Variants in SHOC2 observed in about 807,000 individuals in gnomAD.
SHOC2 encodes the protein leucine-rich repeat protein SHOC-2.
A neutral mutation model predicts 50.2 loss-of-function variants in SHOC2; 4 were observed. The ratio of observed to expected loss-of-function variants is 0.08; its 90% CI spans 0.04 to 0.18. The LOEUF is 0.18. Ranked by LOEUF, SHOC2 falls within the 10% of genes least tolerant of loss-of-function variation. SHOC2 has a pLI of 1.00. For synonymous variants in SHOC2, 218 were observed against 244.5 expected, an observed-to-expected ratio of 0.89 and a Z score of 1.01; for missense variants, 388 against 669.6, an observed-to-expected ratio of 0.58 and a Z score of 4.64.
In SHOC2 at chr10:110,937,259, C is replaced by CTT. The variant is rs80353363; in HGVS notation, c.-235+17614_-235+17615dup. On this transcript the variant is annotated intron_variant, in intron 1 of 8. Coordinates refer to ENST00000369452, the MANE Select transcript of SHOC2 (RefSeq NM_007373.4). ...CTTCGGCTGCCCCTTGGGAAAGCTG[C>CTT]TTTTTTTTTTTTTGGTCCAATCCTG... 1.2e-3 allele frequency: 852 copies of CTT among 738,310 alleles called. 1 individual carries two copies. The highest frequency in any genetic ancestry group is 0.011 in the South Asian group (706 of 64,124). 45.7% of individuals were successfully genotyped at this position (738,310 alleles called of 1,614,324 possible). A position where few individuals can be genotyped will look rare whatever the true frequency, so the allele number is the denominator to read the frequency against.
chr10:110,928,299 A>G (rs1186360143), intron 1 of SHOC2, among the ~76,000 whole-genome samples: 1 of 152,200 alleles, frequency 6.6e-6, no homozygotes, highest in Non-Finnish European at 1.5e-5. Context: ...CCTGGGCAAC[A>G]AACAAGCAAA....
At chr10:111,009,940 TC>T in intron 8 of SHOC2, 110 bp downstream of exon 8, 1 of 732,452 alleles carries the variant, frequency 1.4e-6, no homozygotes, top group South Asian at 1.6e-5. Context: ...TGAGGTTATA[TC>T]AGGCTTAAGA....
At chr10:110,978,197 T>C (rs1249180300) in intron 2 of SHOC2, among the ~76,000 whole-genome samples, 2 of 152,214 alleles carry the variant, frequency 1.3e-5, no homozygotes, top group Non-Finnish European at 2.9e-5. Context: ...GGGAATACAG[T>C]CATATATGGC....
chr10:110,980,216 G>A (rs1201475059), intron 2 of SHOC2, among the ~76,000 whole-genome samples: 2 of 150,730 alleles, frequency 1.3e-5, no homozygotes, highest in African/African-American at 4.9e-5. Context: ...GAGTGCAGTG[G>A]CGCAGTCTCT....
intron 1 of SHOC2, among the ~76,000 whole-genome samples, chr10:110,926,940 G>A (rs886482009): frequency 6.6e-6 from 1 of 152,132 alleles, no homozygotes; most frequent in Non-Finnish European, 1.5e-5. Flanking sequence ...CTTGTAATTT[G>A]TAGAGGTAGA....
intron 2 of SHOC2, 58 bp downstream of exon 2, chr10:110,965,119 T>A: frequency 6.9e-7 from 1 of 1,448,590 alleles, no homozygotes; most frequent in Non-Finnish European, 9.6e-7. Flanking sequence ...TAATTTTGAG[T>A]GCTTTCTCAT....
intron 1 of SHOC2, among the ~76,000 whole-genome samples, chr10:110,959,760 T>C (rs1336557108): frequency 6.6e-6 from 1 of 152,214 alleles, no homozygotes. Flanking sequence ...TTGCTGAAAA[T>C]GTCTGGCACT....
intron 1 of SHOC2, among the ~76,000 whole-genome samples, chr10:110,921,435 T>C (rs984695832): frequency 6.6e-6 from 1 of 152,210 alleles, no homozygotes; most frequent in African/African-American, 2.4e-5. Context: ...TGTCTGAAAT[T>C]TAATATAAAG....
chr10:110,997,077 C>T (rs1369284486), intron 3 of SHOC2, among the ~76,000 whole-genome samples: 2 of 152,084 alleles, frequency 1.3e-5, no homozygotes, highest in African/African-American at 4.8e-5. Context: ...GCATTTTCCC[C>T]TTGGTCTTTG....
chr10:110,936,135 C>G (rs571287932), intron 1 of SHOC2, among the ~76,000 whole-genome samples: 2 of 135,384 alleles, frequency 1.5e-5, no homozygotes. Context: ...TCGCTATTGT[C>G]GCCCAGGTTG....
chr10:110,939,180 T>C (rs532830708), intron 1 of SHOC2, among the ~76,000 whole-genome samples: 11 of 152,208 alleles, frequency 7.2e-5, no homozygotes, highest in African/African-American at 2.6e-4. Context: ...TAACTCCAGA[T>C]TTTTTTGCTA....
intron 5 of SHOC2, among the ~76,000 whole-genome samples, chr10:111,005,849 G>A (rs1848456581): frequency 6.6e-6 from 1 of 152,204 alleles, no homozygotes; most frequent in Non-Finnish European, 1.5e-5. Context: ...TTTGAACATA[G>A]TTGTGGTTCT....
chr10:111,005,807 G>A (rs535762051), intron 5 of SHOC2, among the ~76,000 whole-genome samples: 1 of 152,324 alleles, frequency 6.6e-6, no homozygotes, highest in South Asian at 2.1e-4. Context: ...TGGCCACATA[G>A]CTGATAGTAT....
chr10:110,928,892 C>A (rs939776776), intron 1 of SHOC2, among the ~76,000 whole-genome samples: 8 of 152,052 alleles, frequency 5.3e-5, no homozygotes, highest in African/African-American at 1.9e-4. Context: ...CAGACCCTGT[C>A]TCAAAAAAAG....
intron 1 of SHOC2, among the ~76,000 whole-genome samples, chr10:110,957,940 A>G (rs1018370695): frequency 1.3e-5 from 2 of 152,202 alleles, no homozygotes; most frequent in Non-Finnish European, 2.9e-5. Context: ...ATGATTCTGT[A>G]TGTAACTGGA....
At position 111,012,638 on chromosome 10, in the gene SHOC2, T is replaced by A. The variant is rs1219340794; in HGVS notation, c.*820T>A. ...AAAGGAGTTTTTTCATTCCTGAAAG[T>A]TGCAGATCCACAAAACTAACAGGAT... On this transcript the variant is annotated 3_prime_UTR_variant, in exon 9 of 9. Transcript: ENST00000369452. 1 of 152,136 alleles carries A rather than the reference T, an allele frequency of 6.6e-6. No individual in the cohort carries two copies. Among genetic ancestry groups the A allele is most frequent in the East Asian group, 1.9e-4 (1 of 5,202 alleles). The allele number at this position is 152,136 out of a possible 1,614,324, so 9.4% of individuals were successfully genotyped here. A position where few individuals can be genotyped will look rare whatever the true frequency, so the allele number is the denominator to read the frequency against.
intron 4 of SHOC2, 85 bp downstream of exon 4, chr10:111,000,630 A>G (rs1848354673): frequency 8.1e-7 from 1 of 1,229,654 alleles, no homozygotes; most frequent in Admixed American, 1.9e-5. Context: ...ATAGCAGGGT[A>G]AATAATTTGG....
intron 2 of SHOC2, among the ~76,000 whole-genome samples, chr10:110,983,580 T>A (rs1427676912): frequency 6.6e-6 from 1 of 152,182 alleles, no homozygotes; most frequent in African/African-American, 2.4e-5. Context: ...ATTAAGCACA[T>A]TGACATTGCT....
At chr10:110,997,678 G>A (rs569868601) in intron 3 of SHOC2, among the ~76,000 whole-genome samples, 3 of 152,190 alleles carry the variant, frequency 2.0e-5, no homozygotes, top group East Asian at 3.9e-4. Context: ...GTATCTGTTA[G>A]TCATGGTGCT....
Sources: gnomAD v4.1 joint callset for allele counts (sites outside exome capture counted in the v4.1 genomes callset) on GRCh38, gnomAD v4.1.1 for gene constraint, MANE v1.5 for transcripts, NCBI Gene and HGNC (gene_info 2026-07-23, HGNC 2026-07-21) for gene names.